Variants in SDK2 observed in about 807,000 individuals in gnomAD.
SDK2 encodes the protein protein sidekick-2.
SDK2 carries 105 observed loss-of-function variants against 253.9 expected under a neutral mutation model. The ratio of observed to expected loss-of-function variants is 0.41; its 90% CI spans 0.35 to 0.49. SDK2 has a LOEUF of 0.49. Ranked by LOEUF, SDK2 falls within the 20% of genes least tolerant of loss-of-function variation. The pLI, the probability that SDK2 is intolerant of heterozygous loss-of-function variation, is 0.06. For missense variants in SDK2, 2,608 were observed against 3,003.0 expected, an observed-to-expected ratio of 0.87 and a Z score of 3.07; for synonymous variants, 1,249 against 1,234.9, an observed-to-expected ratio of 1.01 and a Z score of -0.24.
chr17:73,495,293 T>A (rs556079894), intron 2 of SDK2, among the ~76,000 whole-genome samples: 1 of 152,320 alleles, frequency 6.6e-6, no homozygotes, highest in South Asian at 2.1e-4. Context: ...TGGTTCTCAA[T>A]GGGGGTGCTG....
intron 1 of SDK2, among the ~76,000 whole-genome samples, chr17:73,584,453 T>C (rs1423195873): frequency 6.6e-6 from 1 of 152,140 alleles, no homozygotes; most frequent in Non-Finnish European, 1.5e-5. Context: ...GTATAGGATG[T>C]CTCCCTTCTC....
chr17:73,592,509 C>G (rs2045697354), intron 1 of SDK2, among the ~76,000 whole-genome samples: 1 of 152,190 alleles, frequency 6.6e-6, no homozygotes, highest in African/African-American at 2.4e-5. Flanking sequence ...TTCCCCATGC[C>G]CCCGGCAGCA....
intron 20 of SDK2, among the ~76,000 whole-genome samples, 167 bp downstream of exon 20, chr17:73,401,487 G>A (rs570626550): frequency 9.3e-4 from 141 of 152,150 alleles, no homozygotes; most frequent in Non-Finnish European, 1.6e-3. Flanking sequence ...ACTCTGGGAT[G>A]TGTTATGAAG....
In SDK2 at chr17:73,352,543, A is replaced by G. The variant is rs754096472; in HGVS notation, c.5688T>C (p.Tyr1896=). ...SMDILKPGVS[Y]DFRVIAVNDY... Reference sequence around the variant, plus strand: ...CGTTGACCGCGATGACCCGGAAGTCATAGCTCACGCCCGGCTTCAGGATGT... The same window carrying G: ...CGTTGACCGCGATGACCCGGAAGTCGTAGCTCACGCCCGGCTTCAGGATGT... Residue 1896 remains tyrosine, a synonymous_variant, in exon 41 of 45, where the codon TAT becomes TAC. Transcript: ENST00000392650. This position sits in a 1 kb window ranked among gnomAD's most constrained non-coding sequence, Gnocchi z 4.1. 1 of 1,614,052 alleles carries G rather than the reference A, an allele frequency of 6.2e-7. No homozygotes were observed. Among genetic ancestry groups the G allele is most frequent in the South Asian group, 1.1e-5 (1 of 91,084 alleles).
At chr17:73,532,278 A>AG (rs2064175559) in intron 1 of SDK2, among the ~76,000 whole-genome samples, 2 of 147,070 alleles carry the variant, frequency 1.4e-5, no homozygotes, top group Admixed American at 1.4e-4. Context: ...TGGGCTAGAC[A>AG]GGAGCAAGTT....
At chr17:73,566,519 C>A (rs1013617386) in intron 1 of SDK2, among the ~76,000 whole-genome samples, 1 of 152,038 alleles carries the variant, frequency 6.6e-6, no homozygotes, top group Non-Finnish European at 1.5e-5. Context: ...CAAAAATAGA[C>A]AAAAACATGA....
Position 73,504,012 on chromosome 17 carries a change from C to T in SDK2, c.224+3426G>A, listed in dbSNP as rs746159675. On this transcript the variant is annotated intron_variant, in intron 2 of 44. Coordinates refer to ENST00000392650, the MANE Select transcript of SDK2 (RefSeq NM_001144952.2). The stretch of plus-strand genomic sequence containing the variant: ...GGAAAGAGGGCCTGGCAATATCAAG[C>T]TCTTGGTCTAAGTCCTGAGGTTCCA... 4.8e-4 allele frequency among the ~76,000 whole-genome samples: 73 copies of T among 152,250 alleles called. 1 individual carries two copies. The highest frequency in any genetic ancestry group is 9.8e-4 in the Non-Finnish European group (67 of 68,022).
chr17:73,643,704 CCTCCCAAG>C lies in SDK2; in HGVS notation c.64+313_64+320del. Among the ~76,000 whole-genome samples the C allele has an allele frequency of 6.6e-6, 1 of 152,226 alleles. No homozygotes were observed. The highest frequency in any genetic ancestry group is 2.1e-4 in the South Asian group (1 of 4,832). On this transcript the variant is annotated intron_variant, in intron 1 of 44. Transcript: ENST00000392650. This position sits in a 1 kb window ranked among gnomAD's most constrained non-coding sequence, Gnocchi z 6.9. ...GGAGCCCGGCACGGAATGTCGCTCC[CCTCCCAAG>C]CCGGCGCAGGGCAGCCACAGCAGAC...
intron 1 of SDK2, among the ~76,000 whole-genome samples, chr17:73,640,728 C>G (rs2046388369): frequency 6.6e-6 from 1 of 152,216 alleles, no homozygotes; most frequent in Non-Finnish European, 1.5e-5. Context: ...CCCTTTGGAG[C>G]CTTTCAGGAG....
chr17:73,473,083 C>T (rs949618197), intron 2 of SDK2, among the ~76,000 whole-genome samples: 4 of 152,114 alleles, frequency 2.6e-5, no homozygotes, highest in South Asian at 2.1e-4. Flanking sequence ...TTTGGGCTGG[C>T]GGGGTTGGGC....
intron 44 of SDK2, among the ~76,000 whole-genome samples, chr17:73,345,753 CTT>C (rs2062477689): frequency 6.6e-6 from 1 of 152,166 alleles, no homozygotes; most frequent in Admixed American, 6.5e-5. Flanking sequence ...TTTTCATCAT[CTT>C]TACTTGCAAA....
intron 29 of SDK2, among the ~76,000 whole-genome samples, chr17:73,388,795 C>CCTCCTTCCTTCCCTCCCT: frequency 8.9e-6 from 1 of 112,418 alleles, no homozygotes; most frequent in African/African-American, 3.2e-5. Context: ...TCCTTCCCTC[C>CCTCCTTCCTTCCCTCCCT]CTCCTTCCTT....
rs1354290106 is a variant in SDK2 at position 73,387,803 on chromosome 17, C to A, written c.4394+33G>T. On this transcript the variant is annotated intron_variant, in intron 30 of 44. Transcript: ENST00000392650. The stretch of plus-strand genomic sequence containing the variant: ...CCGCTGGTCCCGGCGGGGAGAGGGG[C>A]AGTGGGGATGCTGGCATGGACCCGA... 6.6e-6 allele frequency: 10 copies of A among 1,509,652 alleles called. No individual in the cohort carries two copies. In the South Asian group the frequency reaches 1.3e-4, roughly 19 times the overall value. 93.5% of individuals were successfully genotyped at this position (1,509,652 alleles called of 1,614,324 possible).
intron 5 of SDK2, among the ~76,000 whole-genome samples, chr17:73,444,724 C>T (rs896605812): frequency 2.0e-5 from 3 of 152,212 alleles, no homozygotes; most frequent in African/African-American, 7.2e-5. Context: ...CACCAGTTTA[C>T]AGATGGGGAA....
chr17:73,559,954 AG>A (rs1360722353), intron 1 of SDK2, among the ~76,000 whole-genome samples: 1 of 152,162 alleles, frequency 6.6e-6, no homozygotes, highest in Non-Finnish European at 1.5e-5. Flanking sequence ...TGCTGGGCTC[AG>A]TGGCAGTCAC....
Position 73,419,298 on chromosome 17 carries a change from A to T in SDK2, c.2054T>A (p.Leu685His). ...QFSKDTERVSLPEEPPTAPPQ... is the reference protein window; with the variant it reads ...QFSKDTERVSHPEEPPTAPPQ... ...AGGGGCCGTGGGGGGCTCCTCGGGG[A>T]GGGAGACCCTGGATCACAAAACACC... The change falls in exon 16 of 45, where the codon CTC becomes CAC. Residue 685 changes from leucine to histidine, a missense_variant. Transcript: ENST00000392650. 6.2e-7 allele frequency: 1 copy of T among 1,611,936 alleles called. No individual in the cohort carries two copies. Among genetic ancestry groups the T allele is most frequent in the South Asian group, 1.1e-5 (1 of 90,580 alleles).
chr17:73,624,841 G>A (rs2046181576), intron 1 of SDK2, among the ~76,000 whole-genome samples: 1 of 152,162 alleles, frequency 6.6e-6, no homozygotes, highest in Admixed American at 6.5e-5. Flanking sequence ...TAGGAGGAGT[G>A]GTTATTGAGC....
Position 73,379,675 on chromosome 17 carries a change from T to C in SDK2, c.4763-126A>G. Reference sequence around the variant, plus strand: ...ACCCCCGCCATTCTAGCCCCCTCTGTGAAGGTGCATGAAGGAGGAGGTGAG... The same window carrying C: ...ACCCCCGCCATTCTAGCCCCCTCTGCGAAGGTGCATGAAGGAGGAGGTGAG... On this transcript the variant is annotated intron_variant, in intron 34 of 44. Transcript: ENST00000392650. This position sits in a 1 kb window ranked among gnomAD's most constrained non-coding sequence, Gnocchi z 4.5. 1.6e-6 allele frequency: 1 copy of C among 627,206 alleles called. No individual in the cohort carries two copies. Among genetic ancestry groups the C allele is most frequent in the East Asian group, 2.8e-5 (1 of 36,026 alleles). The allele number at this position is 627,206 out of a possible 1,614,324, so 38.9% of individuals were successfully genotyped here.
intron 26 of SDK2, among the ~76,000 whole-genome samples, 161 bp from the exon 27 acceptor site, chr17:73,393,910 C>T (rs2062949441): frequency 6.6e-6 from 1 of 152,180 alleles, no homozygotes; most frequent in African/African-American, 2.4e-5. Context: ...AAAAGGAATT[C>T]TAAAAGATAA....
Sources: allele counts gnomAD v4.1 joint callset (sites outside exome capture counted in the v4.1 genomes callset), GRCh38; gene constraint gnomAD v4.1.1; non-coding constraint Gnocchi (gnomAD v3.1); transcripts MANE v1.5; gene names NCBI Gene and HGNC (gene_info 2026-07-23, HGNC 2026-07-21).